The following ZNRF3 variants were observed in gnomAD, a reference collection of about 807,000 sequenced individuals.
The protein encoded by ZNRF3 is E3 ubiquitin-protein ligase ZNRF3.
A neutral mutation model predicts 72.5 loss-of-function variants in ZNRF3; 23 were observed. The observed-to-expected ratio is 0.32, with a 90% CI of 0.23 to 0.45. The LOEUF is 0.45. Ranked by LOEUF, ZNRF3 falls within the 20% of genes least tolerant of loss-of-function variation. The pLI, the probability that ZNRF3 is intolerant of heterozygous loss-of-function variation, is 1.00. For synonymous variants in ZNRF3, 610 were observed against 545.3 expected (o/e 1.12, Z -1.65); for missense variants, 1,169 against 1,272.1 (o/e 0.92, Z 1.23).
At chr22:28,889,460 G>A (rs1285099174) in intron 1 of ZNRF3, among the ~76,000 whole-genome samples, 2 of 152,114 alleles carry the variant, frequency 1.3e-5, no homozygotes, top group African/African-American at 2.4e-5. Flanking sequence ...AGAGTTGTAC[G>A]GAAGTCTACA....
intron 2 of ZNRF3, among the ~76,000 whole-genome samples, chr22:29,020,776 G>GGGGT (rs1039624991): frequency 1.7e-4 from 15 of 86,038 alleles, no homozygotes; most frequent in Non-Finnish European, 4.3e-4. Flanking sequence ...TGTGTGTGTG[G>GGGGT]GTGTGTGTGT....
chr22:28,899,550 A>T (rs1399116360), intron 1 of ZNRF3, among the ~76,000 whole-genome samples: 2 of 152,174 alleles, frequency 1.3e-5, no homozygotes, highest in African/African-American at 4.8e-5. Flanking sequence ...CAGCAATGGG[A>T]TGGGGGCAGA....
At chr22:29,000,032 A>T (rs1161127628) in intron 2 of ZNRF3, among the ~76,000 whole-genome samples, 1 of 152,120 alleles carries the variant, frequency 6.6e-6, no homozygotes, top group East Asian at 1.9e-4. Flanking sequence ...TGCTTTTGTG[A>T]TGTTGTTTTC....
At chr22:29,007,389 C>A (rs968082965) in intron 2 of ZNRF3, among the ~76,000 whole-genome samples, 3 of 152,194 alleles carry the variant, frequency 2.0e-5, no homozygotes, top group African/African-American at 7.2e-5. Context: ...GTAATCCCAG[C>A]ACTTTGGGAA....
chr22:29,036,302 G>A (rs2036867212), intron 2 of ZNRF3, among the ~76,000 whole-genome samples: 1 of 152,196 alleles, frequency 6.6e-6, no homozygotes, highest in Non-Finnish European at 1.5e-5. Flanking sequence ...AGCTCAGAGA[G>A]AGGTATCTTA....
intron 2 of ZNRF3, among the ~76,000 whole-genome samples, chr22:29,029,327 AT>A (rs1327667697): frequency 1.1e-4 from 16 of 152,362 alleles, no homozygotes; most frequent in African/African-American, 3.4e-4. Flanking sequence ...TTTCATCCAA[AT>A]TACCTTCCTC....
intron 1 of ZNRF3, among the ~76,000 whole-genome samples, chr22:28,907,181 CAG>C (rs2034225903): frequency 6.8e-6 from 1 of 147,528 alleles, no homozygotes; most frequent in Non-Finnish European, 1.5e-5. Context: ...TTAGTAAAGA[CAG>C]GGTTTCACCA....
chr22:28,986,970 T>C (rs1280108630), intron 1 of ZNRF3, 106 bp from the exon 2 acceptor site: 2 of 1,464,318 alleles, frequency 1.4e-6, no homozygotes, highest in East Asian at 4.7e-5. Flanking sequence ...CTTAAAATTT[T>C]AAGTTTTGAC....
At chr22:28,920,272 A>G (rs1182911091) in intron 1 of ZNRF3, among the ~76,000 whole-genome samples, 1 of 135,936 alleles carries the variant, frequency 7.4e-6, no homozygotes, top group Non-Finnish European at 1.6e-5. Flanking sequence ...GGCCTATTTT[A>G]TTTTATTTTT....
intron 4 of ZNRF3, 44 bp from the exon 5 acceptor site, chr22:29,044,736 G>A (rs759595842): frequency 7.2e-7 from 1 of 1,387,628 alleles, no homozygotes; most frequent in East Asian, 2.3e-5. Flanking sequence ...CGCTTACCAG[G>A]CTGGAGAGAG....
chr22:28,975,880 GCCAGAATGTGTTTGCC>G (rs1212996857), intron 1 of ZNRF3, among the ~76,000 whole-genome samples: 2 of 152,170 alleles, frequency 1.3e-5, no homozygotes, highest in African/African-American at 4.8e-5. Context: ...TTGCAGCATG[GCCAGAATGTGTTTGCC>G]CAAGTTGGGT....
intron 1 of ZNRF3, among the ~76,000 whole-genome samples, chr22:28,955,214 A>T (rs576792593): frequency 1.4e-5 from 2 of 147,544 alleles, no homozygotes; most frequent in South Asian, 4.4e-4. Context: ...CTAATTTTTT[A>T]AAATGTTTTG....
intron 1 of ZNRF3, among the ~76,000 whole-genome samples, chr22:28,975,204 G>A (rs910113485): frequency 2.0e-5 from 3 of 151,918 alleles, no homozygotes; most frequent in Non-Finnish European, 2.9e-5. Flanking sequence ...GGATCATGAC[G>A]TCAAGAGTTC....
intron 1 of ZNRF3, among the ~76,000 whole-genome samples, chr22:28,909,747 A>ATT (rs11432409): frequency 0.13 from 14,818 of 113,740 alleles, 1,421 homozygotes; most frequent in East Asian, 0.41. Context: ...TGCCTGGCTA[A>ATT]TTTTTTTTTT....
At chr22:29,009,155 T>C (rs1261242489) in intron 2 of ZNRF3, among the ~76,000 whole-genome samples, 1 of 152,158 alleles carries the variant, frequency 6.6e-6, no homozygotes. Flanking sequence ...TAAAAGTCTT[T>C]CTGGACCAAT....
intron 2 of ZNRF3, among the ~76,000 whole-genome samples, chr22:28,987,583 C>T (rs1400713543): frequency 1.3e-5 from 2 of 152,224 alleles, no homozygotes; most frequent in East Asian, 3.9e-4. Context: ...TTTAGAAAGG[C>T]ATTAAGGGGT....
rs532237984 is a variant in ZNRF3, at chr22:28,893,453, A to G, written c.300+9387A>G. 1.3e-4 allele frequency among the ~76,000 whole-genome samples: 19 copies of G among 151,192 alleles called. No homozygotes were observed. In the South Asian group the frequency reaches 3.6e-3, roughly 28 times the overall value. ...GGCTGCAGTGAGCCTTGCAGCTACC[A>G]GTGTGAGCCACCGTGCCAGCATTGG... On this transcript the variant is annotated intron_variant, in intron 1 of 8. Coordinates refer to ENST00000544604, the MANE Select transcript of ZNRF3 (RefSeq NM_001206998.2).
chr22:28,975,507 CAAAAAA>C (rs71316877), intron 1 of ZNRF3, among the ~76,000 whole-genome samples: 2 of 47,858 alleles, frequency 4.2e-5, no homozygotes, highest in African/African-American at 2.0e-4. Context: ...TACTCTGTCT[CAAAAAA>C]AAAAAAAAAA....
chr22:29,010,137 CTGACCTCG>C (rs1031114739), intron 2 of ZNRF3, among the ~76,000 whole-genome samples: 1 of 152,046 alleles, frequency 6.6e-6, no homozygotes, highest in African/African-American at 2.4e-5. Context: ...TCTCGATCTC[CTGACCTCG>C]TGATCCACCC....
Sources: allele counts gnomAD v4.1 joint callset (sites outside exome capture counted in the v4.1 genomes callset), GRCh38; gene constraint gnomAD v4.1.1; transcripts MANE v1.5; gene names NCBI Gene and HGNC (gene_info 2026-07-23, HGNC 2026-07-21).